Variants in IQCM observed in about 807,000 individuals in gnomAD.
IQCM encodes IQ motif containing M.
A neutral mutation model predicts 57.6 loss-of-function variants in IQCM; 45 were observed. The ratio of observed to expected loss-of-function variants is 0.78; its 90% CI spans 0.62 to 1.00. The LOEUF (loss-of-function observed/expected upper bound fraction) is 1.00. Among genes scored for constraint, IQCM ranks in the 50% least tolerant of loss-of-function variants. IQCM has a pLI of 0.00. For missense variants in IQCM, 468 were observed against 511.6 expected, an observed-to-expected ratio of 0.91 and a Z score of 0.82; for synonymous variants, 148 against 158.9, an observed-to-expected ratio of 0.93 and a Z score of 0.51.
intron 12 of IQCM, among the ~76,000 whole-genome samples, chr4:149,534,477 AG>A (rs1208109487): frequency 6.6e-6 from 1 of 152,180 alleles, no homozygotes; most frequent in Non-Finnish European, 1.5e-5. Flanking sequence ...CATATGAAGA[AG>A]TATATGAAAA....
At chr4:149,634,198 C>T (rs1389865298) in intron 7 of IQCM, among the ~76,000 whole-genome samples, 1 of 151,946 alleles carries the variant, frequency 6.6e-6, no homozygotes, top group Non-Finnish European at 1.5e-5. Context: ...TTAGTAGAGA[C>T]GGGGTTTCAC....
At chr4:149,739,430 T>C (rs1767240277) in intron 3 of IQCM, among the ~76,000 whole-genome samples, 1 of 150,750 alleles carries the variant, frequency 6.6e-6, no homozygotes, top group African/African-American at 2.4e-5. Flanking sequence ...TGCATTACCA[T>C]CATTGGGCTA....
intron 2 of IQCM, among the ~76,000 whole-genome samples, chr4:149,742,949 C>T (rs1230900814): frequency 6.6e-6 from 1 of 152,198 alleles, no homozygotes; most frequent in East Asian, 1.9e-4. Context: ...TACTCATATA[C>T]ACATTGCCTT....
chr4:149,363,179 G>A (rs1459422256), intron 13 of IQCM, among the ~76,000 whole-genome samples: 2 of 152,164 alleles, frequency 1.3e-5, no homozygotes, highest in Non-Finnish European at 2.9e-5. Flanking sequence ...AATGTCAGGA[G>A]AGGGCCTTCT....
intron 12 of IQCM, among the ~76,000 whole-genome samples, chr4:149,540,384 T>C (rs1330207394): frequency 2.0e-5 from 3 of 151,162 alleles, no homozygotes; most frequent in East Asian, 3.9e-4. Flanking sequence ...CCACAAGCTA[T>C]GTCACTACCT....
At chr4:149,406,089 T>C (rs1732961853) in intron 13 of IQCM, among the ~76,000 whole-genome samples, 1 of 151,842 alleles carries the variant, frequency 6.6e-6, no homozygotes, top group East Asian at 1.9e-4. Context: ...TTTTTCACTC[T>C]CTTAAGAACC....
intron 7 of IQCM, among the ~76,000 whole-genome samples, chr4:149,667,890 A>G (rs1465207298): frequency 4.6e-5 from 7 of 152,008 alleles, no homozygotes; most frequent in Non-Finnish European, 1.0e-4. Context: ...AAGAATGAAA[A>G]GGAACAAAAA....
At chr4:149,526,803 G>A (rs1746206045) in intron 12 of IQCM, among the ~76,000 whole-genome samples, 1 of 151,790 alleles carries the variant, frequency 6.6e-6, no homozygotes, top group Non-Finnish European at 1.5e-5. Context: ...TTACTATCCA[G>A]AATTTAAAAA....
chr4:149,672,426 C>T (rs879808852), intron 7 of IQCM, among the ~76,000 whole-genome samples: 5 of 152,090 alleles, frequency 3.3e-5, no homozygotes, highest in Admixed American at 3.3e-4. Context: ...GTAGAGAAGA[C>T]CTTAAATGAC....
intron 12 of IQCM, among the ~76,000 whole-genome samples, chr4:149,499,680 A>G (rs540988573): frequency 6.6e-6 from 1 of 152,264 alleles, no homozygotes; most frequent in South Asian, 2.1e-4. Flanking sequence ...AAAGATCTTA[A>G]AGACATTATG....
chr4:149,732,812 T>A lies in IQCM; in HGVS notation c.385+432A>T, dbSNP rs536191272. ...ACTGATAGAGGATAAACCTTTACAA[T>A]TTCTTTTAAGGGAAAACTCTATAGC... On this transcript the variant is annotated intron_variant, in intron 5 of 13. Transcript: ENST00000636793. 3.3e-5 allele frequency among the ~76,000 whole-genome samples: 5 copies of A among 152,324 alleles called. No homozygotes were observed. In the East Asian group the frequency reaches 9.6e-4, roughly 29 times the overall value.
chr4:149,676,126 A>G (rs892113560), intron 7 of IQCM, among the ~76,000 whole-genome samples: 2 of 152,082 alleles, frequency 1.3e-5, no homozygotes, highest in Non-Finnish European at 2.9e-5. Context: ...AGGAATATCA[A>G]TTTAAGAGTG....
chr4:149,352,561 C>T (rs1728652601), intron 13 of IQCM, among the ~76,000 whole-genome samples: 1 of 152,118 alleles, frequency 6.6e-6, no homozygotes, highest in African/African-American at 2.4e-5. Context: ...TATGCAAATA[C>T]TACCCCATTT....
intron 12 of IQCM, among the ~76,000 whole-genome samples, chr4:149,455,188 G>T (rs1008992865): frequency 6.6e-6 from 1 of 152,050 alleles, no homozygotes; most frequent in South Asian, 2.1e-4. Flanking sequence ...CTGCTGTGTT[G>T]CATTTGCCGC....
chr4:149,677,509 C>G (rs1043358204), intron 7 of IQCM, among the ~76,000 whole-genome samples: 1 of 151,932 alleles, frequency 6.6e-6, no homozygotes, highest in African/African-American at 2.4e-5. Context: ...CAGTAAAGAA[C>G]CTATAAGCAA....
chr4:149,783,603 A>G (rs561074007), intron 2 of IQCM, among the ~76,000 whole-genome samples: 9 of 152,348 alleles, frequency 5.9e-5, no homozygotes, highest in African/African-American at 2.2e-4. Flanking sequence ...TTTGATATTC[A>G]TGTCATTATG....
intron 9 of IQCM, among the ~76,000 whole-genome samples, chr4:149,567,664 A>C (rs986015839): frequency 5.9e-5 from 9 of 152,044 alleles, no homozygotes; most frequent in Admixed American, 1.3e-4. Context: ...GCAAATTAAA[A>C]AAACAAACAA....
At chr4:149,632,022 A>T (rs1757309023) in intron 7 of IQCM, among the ~76,000 whole-genome samples, 1 of 152,220 alleles carries the variant, frequency 6.6e-6, no homozygotes. Context: ...TTACATGTTA[A>T]CAGTTTAAAA....
intron 7 of IQCM, among the ~76,000 whole-genome samples, chr4:149,637,337 G>C (rs1167445263): frequency 6.6e-6 from 1 of 151,948 alleles, no homozygotes. Flanking sequence ...TAGCATGTAA[G>C]AACTGTACAC....
Sources: gnomAD v4.1 joint callset for allele counts (sites outside exome capture counted in the v4.1 genomes callset) on GRCh38, gnomAD v4.1.1 for gene constraint, MANE v1.5 for transcripts, NCBI Gene and HGNC (gene_info 2026-07-23, HGNC 2026-07-21) for gene names.